FRMD4A: variants seen among roughly 807,000 people sequenced by gnomAD.
FRMD4A encodes the protein FERM domain containing 4A, also known as FERM domain-containing protein 4A.
FRMD4A carries 29 observed loss-of-function variants against 129.1 expected under a neutral mutation model. That is an observed-to-expected ratio of 0.22 (90% CI 0.17 to 0.31). FRMD4A has a LOEUF of 0.31. FRMD4A is among the 10% of genes least tolerant of loss of function. FRMD4A has a pLI of 1.00. For synonymous variants in FRMD4A, 634 were observed against 571.6 expected (o/e 1.11, Z -1.56); for missense variants, 1,272 against 1,375.8 (o/e 0.92, Z 1.19).
intron 2 of FRMD4A, among the ~76,000 whole-genome samples, chr10:13,927,924 A>G (rs1386522423): frequency 6.6e-6 from 1 of 152,120 alleles, no homozygotes; most frequent in Non-Finnish European, 1.5e-5. Context: ...ATTCAACTGA[A>G]TTGTATTTAG....
intron 8 of FRMD4A, among the ~76,000 whole-genome samples, chr10:13,755,874 T>C (rs1461252667): frequency 6.6e-6 from 1 of 152,216 alleles, no homozygotes; most frequent in Non-Finnish European, 1.5e-5. Flanking sequence ...CTGAGTTCTT[T>C]TCCTTTGGTG....
chr10:13,919,799 G>C (rs754386917), intron 2 of FRMD4A, among the ~76,000 whole-genome samples: 6 of 152,078 alleles, frequency 3.9e-5, no homozygotes, highest in African/African-American at 1.2e-4. Flanking sequence ...TTAGCCAGGC[G>C]TGGTGGCATG....
At chr10:14,172,966 CT>C (rs1265143142) in intron 2 of FRMD4A, among the ~76,000 whole-genome samples, 2 of 152,140 alleles carry the variant, frequency 1.3e-5, no homozygotes, top group African/African-American at 4.8e-5. Context: ...GGGTGTCTTC[CT>C]GCACAAGACC....
intron 5 of FRMD4A, among the ~76,000 whole-genome samples, chr10:13,783,547 A>ATTTT (rs57973701): frequency 6.9e-6 from 1 of 145,872 alleles, no homozygotes. Flanking sequence ...ACCACGCCTA[A>ATTTT]TTTTTTTTTT....
At chr10:14,006,935 C>T (rs886880504) in intron 2 of FRMD4A, among the ~76,000 whole-genome samples, 6 of 152,084 alleles carry the variant, frequency 3.9e-5, no homozygotes, top group Admixed American at 1.3e-4. Flanking sequence ...TAGAAAGCAA[C>T]GTTTTTTTCA....
intron 2 of FRMD4A, among the ~76,000 whole-genome samples, chr10:13,879,853 C>CTCT (rs1292102814): frequency 9.4e-5 from 14 of 148,522 alleles, no homozygotes; most frequent in African/African-American, 3.5e-4. Flanking sequence ...ACTATTTGAC[C>CTCT]CAGGCTGCTC....
intron 2 of FRMD4A, among the ~76,000 whole-genome samples, chr10:14,029,661 C>T (rs1445375130): frequency 6.6e-6 from 1 of 152,136 alleles, no homozygotes; most frequent in Non-Finnish European, 1.5e-5. Flanking sequence ...GTCAGTAAGA[C>T]ACATTAGTTA....
chr10:13,672,199 C>T (rs908567663), intron 16 of FRMD4A, among the ~76,000 whole-genome samples: 1 of 152,198 alleles, frequency 6.6e-6, no homozygotes, highest in Non-Finnish European at 1.5e-5. Context: ...CGGGAAATGA[C>T]CCCGTGGACT....
At position 13,993,230 on chromosome 10, in the gene FRMD4A, C is replaced by A. The variant is rs76145560; in HGVS notation, c.46-134318G>T. Among the ~76,000 whole-genome samples, 1,353 of 152,258 alleles carry A rather than the reference C, an allele frequency of 8.9e-3. 32 individuals are homozygous for A. The highest frequency in any genetic ancestry group is 0.031 in the African/African-American group (1,297 of 41,556). ...ATGGAGAAGCCTGACTTGCCTCCTC[C>A]CCCAGCAGGGACATCATTCTATTTG... On this transcript the variant is annotated intron_variant, in intron 2 of 24. Coordinates refer to ENST00000357447, the MANE Select transcript of FRMD4A (RefSeq NM_018027.5).
chr10:13,952,713 A>G (rs1331415878), intron 2 of FRMD4A, among the ~76,000 whole-genome samples: 2 of 152,030 alleles, frequency 1.3e-5, no homozygotes, highest in Non-Finnish European at 2.9e-5. Flanking sequence ...TTATTTTTTG[A>G]GATGGAGTCT....
At chr10:13,903,970 T>C (rs558589243) in intron 2 of FRMD4A, among the ~76,000 whole-genome samples, 132 of 152,346 alleles carry the variant, frequency 8.7e-4, no homozygotes, top group South Asian at 5.2e-3. Flanking sequence ...TTAATTCTGA[T>C]GGAAATGCTT....
intron 2 of FRMD4A, among the ~76,000 whole-genome samples, chr10:14,200,595 G>A (rs1403317672): frequency 1.3e-5 from 2 of 152,196 alleles, no homozygotes; most frequent in African/African-American, 4.8e-5. Context: ...CTAAGGGAGA[G>A]AAGTTCAATG....
At position 14,111,686 on chromosome 10, in the gene FRMD4A, T is replaced by C. The variant is rs538199610; in HGVS notation, c.45+218372A>G. On this transcript the variant is annotated intron_variant, in intron 2 of 24. Transcript: ENST00000357447. Reference sequence around the variant, plus strand: ...CTACTATGGGCAATGCATTACGTCATGTACCAAAAAGAATAAGCCATGATC... The same window carrying C: ...CTACTATGGGCAATGCATTACGTCACGTACCAAAAAGAATAAGCCATGATC... Among the ~76,000 whole-genome samples, 5 of 152,190 alleles carry C rather than the reference T, an allele frequency of 3.3e-5. No homozygotes were observed. The East Asian group carries it at 9.7e-4, about 30-fold the overall frequency.
At chr10:13,918,007 A>G (rs1326432475) in intron 2 of FRMD4A, among the ~76,000 whole-genome samples, 1 of 152,232 alleles carries the variant, frequency 6.6e-6, no homozygotes, top group Non-Finnish European at 1.5e-5. Context: ...TACCTTAGTC[A>G]ACAGGCATTT....
intron 2 of FRMD4A, among the ~76,000 whole-genome samples, chr10:14,051,456 G>T (rs2131687002): frequency 6.6e-6 from 1 of 152,326 alleles, no homozygotes; most frequent in African/African-American, 2.4e-5. Context: ...AGAAAACCAA[G>T]GACGCCGGGG....
At chr10:13,749,722 C>T (rs2091475240) in intron 8 of FRMD4A, among the ~76,000 whole-genome samples, 1 of 152,070 alleles carries the variant, frequency 6.6e-6, no homozygotes, top group Non-Finnish European at 1.5e-5. Flanking sequence ...GGCGTGGTGG[C>T]TCATGCCTAT....
At chr10:14,031,321 G>T (rs1351493218) in intron 2 of FRMD4A, among the ~76,000 whole-genome samples, 4 of 151,146 alleles carry the variant, frequency 2.6e-5, no homozygotes, top group Non-Finnish European at 1.5e-5. Flanking sequence ...AGGCTGGAGT[G>T]CAATGGCACA....
At chr10:14,060,211 A>T (rs951964001) in intron 2 of FRMD4A, among the ~76,000 whole-genome samples, 2 of 152,218 alleles carry the variant, frequency 1.3e-5, no homozygotes, top group Non-Finnish European at 2.9e-5. Context: ...AAATGACTAC[A>T]TTTCATAAGA....
intron 2 of FRMD4A, among the ~76,000 whole-genome samples, chr10:14,168,745 T>C (rs192786514): frequency 9.1e-4 from 139 of 152,340 alleles, no homozygotes; most frequent in Non-Finnish European, 1.0e-3. Context: ...TATTAACTTC[T>C]CAAAATGACC....
Sources: allele counts gnomAD v4.1 joint callset (sites outside exome capture counted in the v4.1 genomes callset), GRCh38; gene constraint gnomAD v4.1.1; transcripts MANE v1.5; gene names NCBI Gene and HGNC (gene_info 2026-07-23, HGNC 2026-07-21).